FAAH2: variants seen among roughly 807,000 people sequenced by gnomAD.
The protein encoded by FAAH2 is fatty acid amide hydrolase 2.
Under a neutral mutation model 36.9 loss-of-function variants are expected in FAAH2, and 60 were observed. That is an observed-to-expected ratio of 1.63 (90% CI 1.32 to 2.02). The LOEUF is 2.02. Ranked by LOEUF, FAAH2 falls within the 30% of genes most tolerant of loss-of-function variation. The pLI is 0.00. For missense variants in FAAH2, 689 were observed against 397.5 expected (o/e 1.73, Z -6.23); for synonymous variants, 214 against 143.8 (o/e 1.49, Z -3.49).
rs768197653 is a variant in FAAH2, at chrX:57,408,183, A to G, written c.997-23735A>G. Among the ~76,000 whole-genome samples, 4 of 110,873 alleles carry G rather than the reference A, an allele frequency of 3.6e-5. No individual in the cohort carries two copies. The Admixed American group carries it at 3.9e-4, about 11-fold the overall frequency. ...TACAAATTTTAGGATTATCTTTTCT[A>G]TTTATGTAAGAAAATTTCATTTGAA... is the stretch of plus-strand genomic sequence containing the variant. On this transcript the variant is annotated intron_variant, in intron 7 of 10. Transcript: ENST00000374900.
intron 9 of FAAH2, among the ~76,000 whole-genome samples, chrX:57,448,210 A>C (rs2056718883): frequency 8.9e-6 from 1 of 112,036 alleles, no homozygotes; most frequent in African/African-American, 3.2e-5. Context: ...GGCTCAAGTA[A>C]TCTGCCAGCC....
At chrX:57,233,000 C>T in the FAAH2 span, among the ~76,000 whole-genome samples, 1 of 112,374 alleles carries the variant, frequency 8.9e-6, no homozygotes, top group Non-Finnish European at 1.9e-5. Context: ...GTGTGTTATA[C>T]TCCCTGATGC....
chrX:57,365,030 A>G (rs1387113753), intron 5 of FAAH2, among the ~76,000 whole-genome samples: 1 of 111,923 alleles, frequency 8.9e-6, no homozygotes, highest in African/African-American at 3.2e-5. Flanking sequence ...TAGTTGGAGT[A>G]TTCTGTAGAT....
chrX:57,322,881 A>C (rs1003727677), intron 3 of FAAH2, among the ~76,000 whole-genome samples: 1 of 109,275 alleles, frequency 9.2e-6, no homozygotes, highest in Admixed American at 9.9e-5. Context: ...GGTGCACAAC[A>C]TGCAGGTTTG....
intron 2 of FAAH2, among the ~76,000 whole-genome samples, chrX:57,305,764 C>A (rs1341503145): frequency 9.0e-6 from 1 of 111,456 alleles, no homozygotes; most frequent in Non-Finnish European, 1.9e-5. Context: ...TTTTGCCATT[C>A]ATCTGAAGGG....
At chrX:57,446,350 G>T (rs1282770517) in intron 8 of FAAH2, among the ~76,000 whole-genome samples, 3 of 111,857 alleles carry the variant, frequency 2.7e-5, no homozygotes, top group Non-Finnish European at 5.6e-5. Context: ...TGGTGTTCTT[G>T]CAAGGAGGCT....
intron 8 of FAAH2, among the ~76,000 whole-genome samples, chrX:57,439,391 A>G (rs2056493445): frequency 8.9e-6 from 1 of 111,888 alleles, no homozygotes; most frequent in African/African-American, 3.3e-5. Flanking sequence ...TTGACTGCAT[A>G]AATGTCTTCT....
At chrX:57,181,610 C>T in the FAAH2 span, among the ~76,000 whole-genome samples, 1 of 111,727 alleles carries the variant, frequency 9.0e-6, no homozygotes, top group Non-Finnish European at 1.9e-5. Flanking sequence ...GCATTCCATG[C>T]TTATATTTAG....
intron 10 of FAAH2, among the ~76,000 whole-genome samples, chrX:57,471,260 A>G (rs955770925): frequency 7.1e-5 from 8 of 111,974 alleles, no homozygotes; most frequent in East Asian, 2.8e-4. Context: ...ATGAGGCAAG[A>G]GAAAGGAATA....
the FAAH2 span, among the ~76,000 whole-genome samples, chrX:57,274,994 A>G: frequency 8.9e-6 from 1 of 112,096 alleles, no homozygotes; most frequent in African/African-American, 3.2e-5. Flanking sequence ...ATGATTGAAT[A>G]TTTAGAAAAC....
intron 3 of FAAH2, among the ~76,000 whole-genome samples, chrX:57,315,259 T>A (rs755873929): frequency 9.0e-6 from 1 of 111,040 alleles, no homozygotes; most frequent in Non-Finnish European, 1.9e-5. Context: ...ATGGAATCGG[T>A]AATAAGAAAC....
chrX:57,361,423 T>C (rs1243424473), intron 5 of FAAH2, among the ~76,000 whole-genome samples: 3 of 111,531 alleles, frequency 2.7e-5, no homozygotes, highest in East Asian at 5.6e-4. Flanking sequence ...TGCATTTATT[T>C]CTATAAACTT....
At chrX:57,432,769 C>T (rs1464090058) in intron 8 of FAAH2, among the ~76,000 whole-genome samples, 1 of 111,295 alleles carries the variant, frequency 9.0e-6, no homozygotes, top group African/African-American at 3.3e-5. Flanking sequence ...ATGACACATC[C>T]AAATTTGAAG....
At chrX:57,403,189 C>T (rs898671025) in intron 7 of FAAH2, among the ~76,000 whole-genome samples, 2 of 111,894 alleles carry the variant, frequency 1.8e-5, no homozygotes, top group African/African-American at 6.5e-5. Context: ...GGAAGTTTCC[C>T]ATCTGAAAAA....
intron 3 of FAAH2, among the ~76,000 whole-genome samples, chrX:57,317,920 G>A (rs189611347): frequency 2.7e-3 from 300 of 110,430 alleles, no homozygotes; most frequent in African/African-American, 9.3e-3. Flanking sequence ...ATGACTACTG[G>A]GTAAAGAAAT....
At chrX:57,329,927 A>G (rs1259949962) in intron 3 of FAAH2, among the ~76,000 whole-genome samples, 3 of 111,977 alleles carry the variant, frequency 2.7e-5, no homozygotes, top group Non-Finnish European at 3.8e-5. Context: ...CACTTCCCCA[A>G]TCAATACCCT....
At chrX:57,395,680 CAT>C in intron 7 of FAAH2, among the ~76,000 whole-genome samples, 1 of 111,693 alleles carries the variant, frequency 9.0e-6, no homozygotes, top group East Asian at 2.9e-4. Context: ...TATTGATTTG[CAT>C]ATGTTGAACC....
At chrX:57,362,477 T>C (rs1602407095) in intron 5 of FAAH2, among the ~76,000 whole-genome samples, 1 of 111,827 alleles carries the variant, frequency 8.9e-6, no homozygotes, top group East Asian at 2.8e-4. Flanking sequence ...GTTCTGCACA[T>C]GTATCCCAGA....
the FAAH2 span, among the ~76,000 whole-genome samples, chrX:57,207,864 G>A: frequency 3.2e-4 from 36 of 112,916 alleles, no homozygotes; most frequent in Non-Finnish European, 6.2e-4. Context: ...TGACACTACT[G>A]GCTGTGTCAG....
Sources: allele counts gnomAD v4.1 joint callset (sites outside exome capture counted in the v4.1 genomes callset), GRCh38; gene constraint gnomAD v4.1.1; transcripts MANE v1.5; gene names NCBI Gene and HGNC (gene_info 2026-07-23, HGNC 2026-07-21).